Variants in PDGFA observed in about 807,000 individuals in gnomAD.
PDGFA encodes the protein platelet derived growth factor subunit A.
Under a neutral mutation model 25.6 loss-of-function variants are expected in PDGFA, and 9 were observed. That is an observed-to-expected ratio of 0.35 (90% CI 0.21 to 0.61). The LOEUF is 0.61. Ranked by LOEUF, PDGFA falls within the 20% of genes least tolerant of loss-of-function variation. The probability of loss-of-function intolerance (pLI) is 0.75; values close to 1 mark genes in which losing one functional copy is unlikely to be tolerated. For missense variants in PDGFA, 242 were observed against 272.8 expected (o/e 0.89, Z 0.79); for synonymous variants, 133 against 111.8 (o/e 1.19, Z -1.20).
intron 4 of PDGFA, among the ~76,000 whole-genome samples, chr7:505,966 G>A (rs948450773): frequency 1.3e-5 from 2 of 152,144 alleles, no homozygotes; most frequent in African/African-American, 4.8e-5. Flanking sequence ...CTGAGGTCAG[G>A]AGTTCAAGAC....
At chr7:520,342 A>AAAGGAGGGGGAGTCAGTCTTTGGGG (rs1783317672), upstream of PDGFA, 1 of 170,854 alleles carries the variant, frequency 5.9e-6, no homozygotes, top group Non-Finnish European at 1.3e-5. Flanking sequence ...TCTCTCCATA[A>AAAGGAGGGGGAGTCAGTCTTTGGGG]AAGGAGGGGG....
upstream of PDGFA, chr7:519,480 C>CT (rs1336454933): frequency 6.5e-6 from 1 of 153,070 alleles, no homozygotes; most frequent in African/African-American, 2.4e-5. Flanking sequence ...GACGCCTGGC[C>CT]CGGCCCCGGC....
In PDGFA at chr7:500,160, G is replaced by A. The variant is rs1782262343; in HGVS notation, c.580+956C>T. Among the ~76,000 whole-genome samples the A allele has an allele frequency of 6.6e-6, 1 of 152,170 alleles. No homozygotes were observed. The highest frequency in any genetic ancestry group is 6.5e-5 in the Admixed American group (1 of 15,282). Reference sequence around the variant, plus strand: ...AGGTCGCCCAACCTGTTCCATTCATGTGCAATGCTCCTGCATCCCCAATCA... The same window carrying A: ...AGGTCGCCCAACCTGTTCCATTCATATGCAATGCTCCTGCATCCCCAATCA... On this transcript the variant is annotated intron_variant, in intron 5 of 5. Transcript: ENST00000402802. The surrounding 1 kb of genome is among the most constrained non-coding windows in gnomAD (Gnocchi z 5.0).
Position 513,246 on chromosome 7 carries a change from G to C in PDGFA, c.161-791C>G, listed in dbSNP as rs575000258. ...CAGGTGCAGGTGGGGCAGTGGCCCA[G>C]AGCCAAGACCAGCACTGACCGGGGA... On this transcript the variant is annotated intron_variant, in intron 2 of 5. Coordinates refer to ENST00000402802, the Ensembl canonical transcript of PDGFA. 141 of 155,560 alleles carry C rather than the reference G, an allele frequency of 9.1e-4. 3 individuals are homozygous for C. The South Asian group carries it at 0.026, about 29-fold the overall frequency. 9.6% of individuals were successfully genotyped at this position (155,560 alleles called of 1,614,324 possible).
intron 4 of PDGFA, among the ~76,000 whole-genome samples, chr7:509,663 A>G (rs1782711982): frequency 6.6e-6 from 1 of 152,176 alleles, no homozygotes; most frequent in African/African-American, 2.4e-5. Context: ...GAGCATGTTC[A>G]TCCCCCGCCC....
chr7:509,306 C>T (rs1782697578), intron 4 of PDGFA, among the ~76,000 whole-genome samples: 1 of 151,916 alleles, frequency 6.6e-6, no homozygotes, highest in Admixed American at 6.5e-5. Flanking sequence ...TCTTTTTTTT[C>T]TTAGAGACGG....
At chr7:507,488 G>A (rs1302013288) in intron 4 of PDGFA, among the ~76,000 whole-genome samples, 2 of 152,332 alleles carry the variant, frequency 1.3e-5, no homozygotes, top group East Asian at 3.9e-4. Flanking sequence ...GCCTCCTCAG[G>A]GGGCCGGGGG....
At chr7:519,877 A>AGCGCCGCCGCCGCGCC (rs1430944193), upstream of PDGFA, 3 of 142,022 alleles carry the variant, frequency 2.1e-5, no homozygotes, top group East Asian at 2.4e-4. Flanking sequence ...AGAGGGTTAT[A>AGCGCCGCCGCCGCGCC]GCGCCGCCGC....
intron 4 of PDGFA, among the ~76,000 whole-genome samples, chr7:507,064 T>C (rs1782590122): frequency 6.6e-6 from 1 of 152,128 alleles, no homozygotes; most frequent in South Asian, 2.1e-4. Flanking sequence ...CCTCGCCAGG[T>C]TGACAGCCGC....
chr7:519,308 G>C (rs1783258635), exon 1 of PDGFA: 1 of 336,564 alleles, frequency 3.0e-6, no homozygotes, highest in African/African-American at 2.1e-5. Flanking sequence ...TTCTTCCTCG[G>C]TGCGTTCCCG....
chr7:510,300 A>G (rs1278072890), intron 4 of PDGFA, among the ~76,000 whole-genome samples: 1 of 151,936 alleles, frequency 6.6e-6, no homozygotes, highest in Non-Finnish European at 1.5e-5. Flanking sequence ...TGTACCTGCC[A>G]GGGAGATGGG....
chr7:506,406 T>C (rs9330363), intron 4 of PDGFA, among the ~76,000 whole-genome samples: 78,388 of 151,340 alleles, frequency 0.52, 20,455 homozygotes, highest in Non-Finnish European at 0.55. Flanking sequence ...CAAGAGGACC[T>C]CCACTCCGCC....
At chr7:503,144 G>A (rs1280371952) in intron 4 of PDGFA, among the ~76,000 whole-genome samples, 2 of 152,120 alleles carry the variant, frequency 1.3e-5, no homozygotes, top group African/African-American at 2.4e-5. Flanking sequence ...AAACTGAGGC[G>A]CAGGCAAGCT....
At chr7:520,077 C>G (rs774201719), upstream of PDGFA, 103 of 396,300 alleles carry the variant, frequency 2.6e-4, no homozygotes, top group South Asian at 1.7e-3. Flanking sequence ...CGCCCGGCTC[C>G]GCGCCGGGGC....
chr7:498,538 T>A (rs369450958), exon 6 of PDGFA: 1 of 1,606,236 alleles, frequency 6.2e-7, no homozygotes, highest in African/African-American at 1.3e-5. Flanking sequence ...TACATCCATG[T>A]CCCAGGAAAG....
chr7:511,854 G>A (rs1782865316), intron 3 of PDGFA, among the ~76,000 whole-genome samples: 1 of 152,196 alleles, frequency 6.6e-6, no homozygotes, highest in Admixed American at 6.5e-5. Flanking sequence ...GTGGAGCCCT[G>A]GAGCCAGGTG....
chr7:513,522 C>G (rs1174589752), intron 2 of PDGFA: 1 of 151,990 alleles, frequency 6.6e-6, no homozygotes, highest in African/African-American at 2.4e-5. Context: ...CATCCTGCCC[C>G]CCCCACCATA....
In PDGFA at chr7:501,245, G is replaced by A. The variant is rs1316554519; in HGVS notation, c.454-3C>T. The A allele has an allele frequency of 1.2e-6, 2 of 1,613,990 alleles. No homozygotes were observed. The highest frequency in any genetic ancestry group is 8.5e-7 in the Non-Finnish European group (1 of 1,180,020). On this transcript the variant is annotated splice_region_variant and splice_polypyrimidine_tract_variant and intron_variant, in intron 4 of 5. Transcript: ENST00000402802. Reference sequence around the variant, plus strand: ...CTGACGTATTCCACCTTGGCCACCTGCCAGAGAGAACAGAGCCCGGCCATG... The same window carrying A: ...CTGACGTATTCCACCTTGGCCACCTACCAGAGAGAACAGAGCCCGGCCATG...
In PDGFA at chr7:504,927, C is replaced by A. The variant is rs149279326; in HGVS notation, c.454-3685G>T. Among the ~76,000 whole-genome samples the A allele has an allele frequency of 5.5e-4, 84 of 152,324 alleles. No homozygotes were observed. In the East Asian group the frequency reaches 0.016, roughly 28 times the overall value. On this transcript the variant is annotated intron_variant, in intron 4 of 5. Transcript: ENST00000402802. ...CTCCCAGGACACAACAGAAATGCCA[C>A]CCCTCTGGGCACCGTGCGAAAGGCA...
Sources: allele counts gnomAD v4.1 joint callset (sites outside exome capture counted in the v4.1 genomes callset), GRCh38; gene constraint gnomAD v4.1.1; non-coding constraint Gnocchi (gnomAD v3.1); transcripts MANE v1.5; gene names NCBI Gene and HGNC (gene_info 2026-07-23, HGNC 2026-07-21).